The following NCAPG variants were observed in gnomAD, a reference collection of about 807,000 sequenced individuals.
NCAPG encodes condensin complex subunit 3.
In NCAPG, 69 loss-of-function variants were observed where a neutral mutation model predicts 113.1. The ratio of observed to expected loss-of-function variants is 0.61; its 90% CI spans 0.50 to 0.75. The LOEUF is 0.75. Ranked by LOEUF, NCAPG falls within the 30% of genes least tolerant of loss-of-function variation. The probability of loss-of-function intolerance (pLI) is 0.00; values close to 1 mark genes in which losing one functional copy is unlikely to be tolerated. For synonymous variants in NCAPG, 370 were observed against 415.8 expected (o/e 0.89, Z 1.34); for missense variants, 1,058 against 1,177.0 (o/e 0.90, Z 1.48).
intron 11 of NCAPG, among the ~76,000 whole-genome samples, chr4:17,827,372 TA>T (rs1721691907): frequency 6.6e-6 from 1 of 152,204 alleles, no homozygotes; most frequent in Admixed American, 6.5e-5. Flanking sequence ...TGGAGAGTAG[TA>T]AAAGCTTAGA....
chr4:17,831,321 C>A (rs562406282), intron 13 of NCAPG, among the ~76,000 whole-genome samples: 3 of 152,250 alleles, frequency 2.0e-5, no homozygotes, highest in East Asian at 1.9e-4. Flanking sequence ...GTAAGATATT[C>A]TTTTAATTAT....
At position 17,842,291 on chromosome 4, in the gene NCAPG, G is replaced by A. The variant is rs201406280; in HGVS notation, c.2855-19G>A. 1 of 1,606,956 alleles carries A rather than the reference G, an allele frequency of 6.2e-7. No individual in the cohort carries two copies. The highest frequency in any genetic ancestry group is 1.7e-5 in the Admixed American group (1 of 59,798). On this transcript the variant is annotated intron_variant, in intron 19 of 20. Coordinates refer to ENST00000251496, the MANE Select transcript of NCAPG (RefSeq NM_022346.5). The stretch of plus-strand genomic sequence containing the variant: ...GCAACTGATAATAAATCCTGATAAT[G>A]AATTATACTATCTTCAAGGACAGAG...
intron 16 of NCAPG, among the ~76,000 whole-genome samples, chr4:17,838,953 AC>A (rs1722211384): frequency 6.6e-6 from 1 of 152,218 alleles, no homozygotes; most frequent in Non-Finnish European, 1.5e-5. Flanking sequence ...TAGAAAAAGT[AC>A]TAGAAAGTAA....
chr4:17,837,120 T>A, intron 14 of NCAPG, 39 bp from the exon 15 acceptor site: 2 of 1,582,918 alleles, frequency 1.3e-6, no homozygotes, highest in South Asian at 2.2e-5. Flanking sequence ...AAAAAGGAGA[T>A]ACAAATAAAT....
In NCAPG at chr4:17,834,398, A is replaced by G; in HGVS notation, c.1984A>G (p.Ile662Val). Residue 662 changes from isoleucine to valine, a missense_variant, in exon 14 of 21, where the codon ATC becomes GTC. By Grantham distance (29) the Ile-to-Val change is conservative (BLOSUM62 3). Coordinates refer to ENST00000251496, the MANE Select transcript of NCAPG (RefSeq NM_022346.5). The stretch of plus-strand genomic sequence containing the variant: ...GATTGAACCATTTAAAACTAAAAAA[A>G]TCAAAACACTTCATTGTGAAGGTAC... ...FGIEPFKTKK[I>V]KTLHCEGTEI... The G allele has an allele frequency of 1.2e-6, 2 of 1,612,098 alleles. No individual in the cohort carries two copies. The highest frequency in any genetic ancestry group is 1.3e-5 in the African/African-American group (1 of 75,010).
At chr4:17,834,208 G>GA in intron 13 of NCAPG, 91 bp from the exon 14 acceptor site, 2 of 837,734 alleles carry the variant, frequency 2.4e-6, no homozygotes, top group African/African-American at 1.8e-5. Flanking sequence ...ATTTGACTAA[G>GA]AAAAAAACAA....
chr4:17,835,451 CA>C (rs1299705572), intron 14 of NCAPG, among the ~76,000 whole-genome samples: 1 of 152,138 alleles, frequency 6.6e-6, no homozygotes, highest in African/African-American at 2.4e-5. Flanking sequence ...CTCAGCCTCC[CA>C]GAGTGCTGGG....
rs1437318257 is a variant in NCAPG at position 17,837,909 on chromosome 4, C to T, written c.2466+108C>T. On this transcript the variant is annotated intron_variant, in intron 16 of 20. Coordinates refer to ENST00000251496, the MANE Select transcript of NCAPG (RefSeq NM_022346.5). ...TGCATTTTGGTCTTTAGACTTCTGT[C>T]TCAAGCATATACCACAAAGCACGAA... is the stretch of plus-strand genomic sequence containing the variant. 2.5e-6 allele frequency: 3 copies of T among 1,183,504 alleles called. No individual in the cohort carries two copies. The East Asian group carries it at 7.1e-5, about 28-fold the overall frequency. The allele number at this position is 1,183,504 out of a possible 1,614,324, so 73.3% of individuals were successfully genotyped here.
At chr4:17,812,089 T>C in intron 1 of NCAPG, 132 bp from the exon 2 acceptor site, 1 of 716,022 alleles carries the variant, frequency 1.4e-6, no homozygotes, top group South Asian at 1.8e-5. Context: ...TTTGGATAAT[T>C]AAGAGTTTAC....
rs368396719 is a variant in NCAPG, at chr4:17,813,433, CAT to C, written c.544+291_544+292del. Reference sequence around the variant, plus strand: ...AAAAAAAATTTTTTTGCATAAATCACATATGTCTATCTTAATGTTTTCCTGTC... The same window carrying C: ...AAAAAAAATTTTTTTGCATAAATCACATGTCTATCTTAATGTTTTCCTGTC... On this transcript the variant is annotated intron_variant, in intron 3 of 20. Transcript: ENST00000251496. 1.7e-3 allele frequency: 353 copies of C among 212,078 alleles called. 2 individuals carry two copies. The highest frequency in any genetic ancestry group is 7.7e-3 in the African/African-American group (334 of 43,370). The allele number at this position is 212,078 out of a possible 1,614,324, so 13.1% of individuals were successfully genotyped here.
chr4:17,819,495 G>A (rs1184337115), intron 7 of NCAPG, among the ~76,000 whole-genome samples: 1 of 151,700 alleles, frequency 6.6e-6, no homozygotes, highest in Non-Finnish European at 1.5e-5. Context: ...TCCGCCTCCC[G>A]GGTTCAAGCG....
chr4:17,817,808 C>T (rs1372558479), intron 6 of NCAPG, 131 bp from the exon 7 acceptor site: 10 of 885,644 alleles, frequency 1.1e-5, no homozygotes, highest in African/African-American at 1.7e-5. Flanking sequence ...TGTGTGGATA[C>T]ATTAATGACT....
At position 17,843,291 on chromosome 4, in the gene NCAPG, C is replaced by A. The variant is rs760712257; in HGVS notation, c.2925-11C>A. ...TGTATCTAAATTCGTGTATTTTCAACATCTATTTAGTGATCATGAAGTTCC... is the reference window on the plus strand; with the variant it reads ...TGTATCTAAATTCGTGTATTTTCAAAATCTATTTAGTGATCATGAAGTTCC... On this transcript the variant is annotated splice_polypyrimidine_tract_variant and intron_variant, in intron 20 of 20. Transcript: ENST00000251496. 4.4e-6 allele frequency: 7 copies of A among 1,603,156 alleles called. No individual in the cohort carries two copies. In the Admixed American group the frequency reaches 1.0e-4, roughly 24 times the overall value.
intron 7 of NCAPG, among the ~76,000 whole-genome samples, chr4:17,822,123 C>G (rs921760803): frequency 2.7e-5 from 4 of 147,054 alleles, no homozygotes; most frequent in Admixed American, 1.4e-4. Context: ...TCATGGATTA[C>G]TTGTGTAACT....
intron 8 of NCAPG, 43 bp downstream of exon 8, chr4:17,823,166 T>A: frequency 6.5e-7 from 1 of 1,545,812 alleles, no homozygotes; most frequent in Non-Finnish European, 8.8e-7. Flanking sequence ...GCCCTTCTAA[T>A]TTCTTATATT....
At chr4:17,830,334 A>C (rs1387900199) in intron 12 of NCAPG, among the ~76,000 whole-genome samples, 1 of 151,940 alleles carries the variant, frequency 6.6e-6, no homozygotes, top group African/African-American at 2.4e-5. Context: ...CTGAGGTTGC[A>C]GTGAGCCGAG....
chr4:17,817,874 G>A, intron 6 of NCAPG, 65 bp from the exon 7 acceptor site: 1 of 1,454,676 alleles, frequency 6.9e-7, no homozygotes, highest in African/African-American at 1.4e-5. Flanking sequence ...TCTCATTTTT[G>A]TACTCTTCAA....
chr4:17,817,109 C>T, intron 5 of NCAPG, 152 bp from the exon 6 acceptor site: 1 of 565,868 alleles, frequency 1.8e-6, no homozygotes, highest in Non-Finnish European at 3.0e-6. Context: ...GAGACTCTGT[C>T]TCAAAAAATA....
chr4:17,812,776 C>T (rs1721051500), intron 2 of NCAPG, 141 bp from the exon 3 acceptor site: 1 of 685,922 alleles, frequency 1.5e-6, no homozygotes, highest in African/African-American at 1.8e-5. Context: ...ACATATGGAC[C>T]AAGGTAGCAT....
Sources: gnomAD v4.1 joint callset for allele counts (sites outside exome capture counted in the v4.1 genomes callset) on GRCh38, gnomAD v4.1.1 for gene constraint, MANE v1.5 for transcripts, NCBI Gene and HGNC (gene_info 2026-07-23, HGNC 2026-07-21) for gene names.